The following NWD2 variants were observed in gnomAD, a reference collection of about 807,000 sequenced individuals.
NWD2 encodes the protein NACHT and WD repeat domain containing 2.
A neutral mutation model predicts 132.7 loss-of-function variants in NWD2; 37 were observed. That is an observed-to-expected ratio of 0.28 (90% CI 0.21 to 0.37). NWD2 has a LOEUF of 0.37. NWD2 is among the 10% of genes least tolerant of loss of function. The pLI is 1.00. For missense variants in NWD2, 1,592 were observed against 2,122.4 expected (o/e 0.75, Z 4.91); for synonymous variants, 705 against 803.0 (o/e 0.88, Z 2.06).
intron 1 of NWD2, among the ~76,000 whole-genome samples, chr4:37,245,674 A>T (rs1255415248): frequency 6.6e-6 from 1 of 151,758 alleles, no homozygotes; most frequent in Non-Finnish European, 1.5e-5. Context: ...AGCTGAGGCG[A>T]GGTGAGTTCC....
At chr4:37,262,060 C>T (rs994289455) in intron 1 of NWD2, among the ~76,000 whole-genome samples, 2 of 152,176 alleles carry the variant, frequency 1.3e-5, no homozygotes, top group Admixed American at 6.6e-5. Context: ...CCCTGTGTGG[C>T]AGACACCATC....
intron 3 of NWD2, among the ~76,000 whole-genome samples, chr4:37,401,192 C>T (rs1720888785): frequency 6.6e-6 from 1 of 152,140 alleles, no homozygotes; most frequent in South Asian, 2.1e-4. Flanking sequence ...TGCTCTCTTT[C>T]CTCCTTGGCC....
At chr4:37,271,418 A>T (rs1410373163) in intron 1 of NWD2, among the ~76,000 whole-genome samples, 1 of 151,834 alleles carries the variant, frequency 6.6e-6, no homozygotes, top group East Asian at 1.9e-4. Flanking sequence ...GAGATCTTGC[A>T]CATCTTTTGT....
chr4:37,334,419 A>C (rs1715332516), intron 2 of NWD2, among the ~76,000 whole-genome samples: 2 of 152,302 alleles, frequency 1.3e-5, no homozygotes, highest in African/African-American at 4.8e-5. Context: ...CTGATTGCTC[A>C]TTCCTAACTC....
In NWD2 at chr4:37,323,161, C is replaced by T. The variant is rs545047189; in HGVS notation, c.152-2775C>T. 2.0e-5 allele frequency among the ~76,000 whole-genome samples: 3 copies of T among 152,162 alleles called. No homozygotes were observed. The East Asian group carries it at 5.8e-4, about 29-fold the overall frequency. On this transcript the variant is annotated intron_variant, in intron 1 of 6. Transcript: ENST00000309447. Reference sequence around the variant, plus strand: ...GTGGTCAGCAGTGACTAAGGAAATGCAAATAGAAGTACTTAGCACACTACT... The same window carrying T: ...GTGGTCAGCAGTGACTAAGGAAATGTAAATAGAAGTACTTAGCACACTACT...
At position 37,439,166 on chromosome 4, in the gene NWD2, A is replaced by C. The variant is rs1712411379; in HGVS notation, c.1072A>C (p.Ile358Leu). ...CATGATTGATATAATTCAGGCAACG[A>C]TACAACAGAATTTTGACACTGAAAC... ...EDMIDIIQATIQQNFDTETDT... is the reference protein window; with the variant it reads ...EDMIDIIQATLQQNFDTETDT... Residue 358 changes from isoleucine (I) to leucine (L), a missense_variant, in exon 6 of 7, where the codon ATA (isoleucine) becomes CTA (leucine). Around this residue, in one of 7 missense-constraint regions of NWD2, gnomAD observed 1,071 missense variants for 1,398.0 expected, o/e 0.77. Transcript: ENST00000309447. The surrounding 1 kb of genome is among the most constrained non-coding windows in gnomAD (Gnocchi z 4.5). 2 of 1,550,400 alleles carry C rather than the reference A, an allele frequency of 1.3e-6. No homozygotes were observed. Among genetic ancestry groups the C allele is most frequent in the Admixed American group, 3.9e-5 (2 of 50,720 alleles).
At chr4:37,283,917 C>A (rs1334018724) in intron 1 of NWD2, among the ~76,000 whole-genome samples, 1 of 152,254 alleles carries the variant, frequency 6.6e-6, no homozygotes, top group South Asian at 2.1e-4. Flanking sequence ...GGAGGTGGCC[C>A]TTGATCTGTT....
At chr4:37,331,811 G>T (rs1332082545) in intron 2 of NWD2, among the ~76,000 whole-genome samples, 1 of 152,214 alleles carries the variant, frequency 6.6e-6, no homozygotes, top group Non-Finnish European at 1.5e-5. Flanking sequence ...TGAATTTCCA[G>T]TGCCATCCCT....
chr4:37,334,133 G>A (rs1159271733), intron 2 of NWD2, among the ~76,000 whole-genome samples: 1 of 152,158 alleles, frequency 6.6e-6, no homozygotes, highest in Admixed American at 6.5e-5. Flanking sequence ...GCTAGAAAGT[G>A]TATTCAAAGG....
chr4:37,429,349 C>T (rs1008488919), intron 3 of NWD2, among the ~76,000 whole-genome samples: 36 of 151,834 alleles, frequency 2.4e-4, no homozygotes, highest in African/African-American at 8.7e-4. Flanking sequence ...GAGTCTCATT[C>T]TGTTGACCAG....
chr4:37,313,314 T>C (rs112037416), intron 1 of NWD2, among the ~76,000 whole-genome samples: 1 of 151,218 alleles, frequency 6.6e-6, no homozygotes, highest in Non-Finnish European at 1.5e-5. Flanking sequence ...GATCCTGTTA[T>C]TGGTCTATTC....
chr4:37,284,725 A>G (rs1249399572), intron 1 of NWD2, among the ~76,000 whole-genome samples: 1 of 152,192 alleles, frequency 6.6e-6, no homozygotes, highest in East Asian at 1.9e-4. Flanking sequence ...CTGCCCAAAC[A>G]CAGTGAGTAT....
At chr4:37,395,260 C>T (rs982134224) in intron 3 of NWD2, among the ~76,000 whole-genome samples, 2 of 151,452 alleles carry the variant, frequency 1.3e-5, no homozygotes, top group Non-Finnish European at 3.0e-5. Context: ...AGGGCTAAGT[C>T]TTCTTAAATT....
chr4:37,247,075 C>T (rs143998564), intron 1 of NWD2, among the ~76,000 whole-genome samples: 490 of 152,282 alleles, frequency 3.2e-3, no homozygotes, highest in African/African-American at 0.01. Flanking sequence ...CCCTTGGCTA[C>T]GGTTTGAGCT....
intron 6 of NWD2, among the ~76,000 whole-genome samples, chr4:37,440,672 A>G (rs79818828): frequency 0.021 from 3,243 of 152,214 alleles, 53 homozygotes; most frequent in South Asian, 0.058. Flanking sequence ...TCTTTTTCAG[A>G]CTAGCAGCGG....
At chr4:37,386,957 G>C (rs1720577581) in intron 3 of NWD2, among the ~76,000 whole-genome samples, 1 of 152,182 alleles carries the variant, frequency 6.6e-6, no homozygotes, top group Non-Finnish European at 1.5e-5. Context: ...GCAGATGCTG[G>C]TGCCATGCTT....
intron 2 of NWD2, among the ~76,000 whole-genome samples, chr4:37,350,284 A>C (rs1053745459): frequency 2.0e-5 from 3 of 152,148 alleles, no homozygotes; most frequent in African/African-American, 7.2e-5. Flanking sequence ...CAGTATGGCT[A>C]TTTTCACGAT....
chr4:37,302,254 C>T (rs1718626286), intron 1 of NWD2, among the ~76,000 whole-genome samples: 1 of 151,934 alleles, frequency 6.6e-6, no homozygotes, highest in South Asian at 2.1e-4. Context: ...TTATAATGTC[C>T]TCCAGGCTCA....
At chr4:37,370,788 G>T (rs938969392) in intron 3 of NWD2, among the ~76,000 whole-genome samples, 15 of 152,140 alleles carry the variant, frequency 9.9e-5, no homozygotes, top group Non-Finnish European at 1.9e-4. Context: ...GAATGATGAG[G>T]CTAAAGGTTG....
Sources: allele counts gnomAD v4.1 joint callset (sites outside exome capture counted in the v4.1 genomes callset), GRCh38; gene constraint gnomAD v4.1.1; regional missense constraint gnomAD v4.1.1; non-coding constraint Gnocchi (gnomAD v3.1); transcripts MANE v1.5; gene names NCBI Gene and HGNC (gene_info 2026-07-23, HGNC 2026-07-21).